SHANK1: variants seen among roughly 807,000 people sequenced by gnomAD.
SHANK1 encodes SH3 and multiple ankyrin repeat domains protein 1.
A neutral mutation model predicts 165.6 loss-of-function variants in SHANK1; 35 were observed. That is an observed-to-expected ratio of 0.21 (90% CI 0.16 to 0.28). SHANK1 has a LOEUF of 0.28. Among genes scored for constraint, SHANK1 ranks in the 10% least tolerant of loss-of-function variants. The pLI is 1.00. For missense variants in SHANK1, 2,681 were observed against 3,036.4 expected, an observed-to-expected ratio of 0.88 and a Z score of 2.75; for synonymous variants, 1,428 against 1,384.8, an observed-to-expected ratio of 1.03 and a Z score of -0.69.
At chr19:50,693,680 C>T (rs1390659885) in intron 15 of SHANK1, among the ~76,000 whole-genome samples, 3 of 152,106 alleles carry the variant, frequency 2.0e-5, no homozygotes, top group Admixed American at 6.5e-5. Context: ...CCCACGTACC[C>T]GTGTCCATGG....
Position 50,688,345 on chromosome 19 carries a change from G to GTC in SHANK1, c.2173-289_2173-288dup, listed in dbSNP as rs1255989643. Among the ~76,000 whole-genome samples the GTC allele has an allele frequency of 1.3e-5, 2 of 152,060 alleles. No individual in the cohort carries two copies. The highest frequency in any genetic ancestry group is 4.8e-5 in the African/African-American group (2 of 41,388). Reference sequence around the variant, plus strand: ...TTTACTTTTATTTTTAAAAGACAGGGTCTCTCTCTGTCACCCAGGTTGGGG... The same window carrying GTC: ...TTTACTTTTATTTTTAAAAGACAGGGTCTCTCTCTCTGTCACCCAGGTTGGGG... On this transcript the variant is annotated intron_variant, in intron 17 of 23. Coordinates refer to ENST00000293441, the MANE Select transcript of SHANK1 (RefSeq NM_016148.5). This position sits in a 1 kb window ranked among gnomAD's most constrained non-coding sequence, Gnocchi z 6.7.
chr19:50,717,698 G>A lies in SHANK1; in HGVS notation c.-43-736C>T, dbSNP rs552645022. 2.0e-5 allele frequency among the ~76,000 whole-genome samples: 3 copies of A among 152,184 alleles called. No individual in the cohort carries two copies. Among genetic ancestry groups the A allele is most frequent in the African/African-American group, 7.2e-5 (3 of 41,500 alleles). On this transcript the variant is annotated intron_variant, in intron 1 of 23. Transcript: ENST00000293441. The surrounding 1 kb of genome is among the most constrained non-coding windows in gnomAD (Gnocchi z 5.5). ...GGGTGTGCGGGTAGGTGGGGAGGTC[G>A]GCCTGGGGAGTGCTGTCCAGGTGAC...
chr19:50,686,713 C>T lies in SHANK1; in HGVS notation c.2458+31G>A, dbSNP rs765059338. The stretch of plus-strand genomic sequence containing the variant: ...AGCGGGTGCCGGGGCTGGGGCCCGG[C>T]ATCCCGAGGAGCAGGGCTGGGCCGT... On this transcript the variant is annotated intron_variant, in intron 20 of 23. Coordinates refer to ENST00000293441, the MANE Select transcript of SHANK1 (RefSeq NM_016148.5). The surrounding 1 kb of genome is among the most constrained non-coding windows in gnomAD (Gnocchi z 5.7). The T allele has an allele frequency of 3.1e-6, 5 of 1,603,866 alleles. No individual in the cohort carries two copies. In the South Asian group the frequency reaches 4.4e-5, roughly 14 times the overall value.
chr19:50,711,565 T>C lies in SHANK1; in HGVS notation c.961-78A>G, dbSNP rs556637114. On this transcript the variant is annotated intron_variant, in intron 7 of 23. Coordinates refer to ENST00000293441, the MANE Select transcript of SHANK1 (RefSeq NM_016148.5). The stretch of plus-strand genomic sequence containing the variant: ...CTGGGCCAAGAGTCTGTCTATGACC[T>C]GTGCACTGGCCTTCTCATCCTATCG... The C allele has an allele frequency of 1.2e-3, 1,212 of 1,016,024 alleles. 9 individuals are homozygous for C. Among genetic ancestry groups the C allele is most frequent in the South Asian group, 9.4e-3 (660 of 70,580 alleles). The allele number at this position is 1,016,024 out of a possible 1,614,324, so 62.9% of individuals were successfully genotyped here.
chr19:50,678,288 C>T (rs1304179652), intron 21 of SHANK1, among the ~76,000 whole-genome samples: 2 of 151,906 alleles, frequency 1.3e-5, no homozygotes, highest in Non-Finnish European at 2.9e-5. Context: ...GGGGTGTGAC[C>T]AGTCAGGAAG....
chr19:50,684,868 A>G (rs1452568577), intron 21 of SHANK1, among the ~76,000 whole-genome samples: 1 of 152,228 alleles, frequency 6.6e-6, no homozygotes, highest in Non-Finnish European at 1.5e-5. Context: ...AAAAAAGATG[A>G]TATTATGATA....
chr19:50,663,762 G>GAA (rs66511954), intron 23 of SHANK1, among the ~76,000 whole-genome samples: 1 of 147,774 alleles, frequency 6.8e-6, no homozygotes, highest in African/African-American at 2.5e-5. Flanking sequence ...AAAAAGAAAA[G>GAA]AAAAAAAAAA....
rs1324075212 is a variant in SHANK1, at chr19:50,666,985, C to T, written c.4975G>A (p.Ala1659Thr). 7 of 1,575,792 alleles carry T rather than the reference C, an allele frequency of 4.4e-6. No individual in the cohort carries two copies. Among genetic ancestry groups the T allele is most frequent in the South Asian group, 2.3e-5 (2 of 85,608 alleles). ...GPPAPAAPAP[A>T]APQPGPDPPP... ...GGGTCCGGGCCAGGCTGTGGGGCAG[C>T]GGGAGCCGGTGCTGCTGGGGCAGGC... is the stretch of plus-strand genomic sequence containing the variant. The change falls in exon 23 of 24, where the codon GCT becomes ACT. Residue 1659 changes from alanine (A) to threonine (T), a missense_variant. Physicochemically the swap from Ala to Thr is moderately conservative, Grantham distance 58 (BLOSUM62 0). Transcript: ENST00000293441.
Position 50,688,944 on chromosome 19 carries a change from G to A in SHANK1, c.2072C>T (p.Thr691Ile). ...CAGCGCCGGGAAGGCCGGGGTGGGG[G>A]TGAACTCCTCGATGGGGGTCTGCGC... ...AKAQTPIEEF[T>I]PTPAFPALQY... The change falls in exon 17 of 24, where the codon ACC becomes ATC. Residue 691 changes from threonine to isoleucine, a missense_variant. This residue lies in a region of SHANK1 where 147 missense variants were observed against 256.5 expected (regional missense o/e 0.57). Coordinates refer to ENST00000293441, the MANE Select transcript of SHANK1 (RefSeq NM_016148.5). The surrounding 1 kb of genome is among the most constrained non-coding windows in gnomAD (Gnocchi z 6.7). The A allele has an allele frequency of 6.4e-7, 1 of 1,554,180 alleles. No homozygotes were observed. The highest frequency in any genetic ancestry group is 8.7e-7 in the Non-Finnish European group (1 of 1,147,882).
At position 50,661,740 on chromosome 19, in the gene SHANK1, CA is replaced by C; in HGVS notation, c.*224del. 28 of 21,096 alleles carry C rather than the reference CA, an allele frequency of 1.3e-3. No homozygotes were observed. Among genetic ancestry groups the C allele is most frequent in the African/African-American group, 6.8e-3 (1 of 146 alleles). 1.3% of individuals were successfully genotyped at this position (21,096 alleles called of 1,614,324 possible). A position where few individuals can be genotyped will look rare whatever the true frequency, so the allele number is the denominator to read the frequency against. On this transcript the variant is annotated 3_prime_UTR_variant, in exon 24 of 24. Coordinates refer to ENST00000293441, the MANE Select transcript of SHANK1 (RefSeq NM_016148.5). ...CCTATCCCCCCTCCGCTCCCCGCTT[CA>C]CACACACACACACACTCTTGTGTCA...
In SHANK1 at chr19:50,669,032, G is replaced by A. The variant is rs1385526527; in HGVS notation, c.2928C>T (p.Pro976=). The A allele has an allele frequency of 4.6e-6, 4 of 863,468 alleles. No homozygotes were observed. The highest frequency in any genetic ancestry group is 5.2e-6 in the Non-Finnish European group (3 of 576,610). The allele number at this position is 863,468 out of a possible 1,614,324, so 53.5% of individuals were successfully genotyped here. A position where few individuals can be genotyped will look rare whatever the true frequency, so the allele number is the denominator to read the frequency against. The change falls in exon 23 of 24, where the codon CCC becomes CCT. Residue 976 remains proline, a synonymous_variant. Transcript: ENST00000293441. ...TCTCGCGGCTCCCCACGCGAGTGTC[G>A]GGAGGGGAGGGCCCGTCAAAGGATG... is the stretch of plus-strand genomic sequence containing the variant. ...SPASFDGPSP[P]DTRVGSREKS... is the part of the protein sequence containing the mutation.
intron 15 of SHANK1, among the ~76,000 whole-genome samples, chr19:50,694,017 CACCACA>C (rs1035555678): frequency 1.6e-5 from 2 of 127,386 alleles, no homozygotes; most frequent in African/African-American, 6.2e-5. Flanking sequence ...CTCCAGCACA[CACCACA>C]CACACACACA....
rs1430876095 is a variant in SHANK1 at position 50,662,798 on chromosome 19, G to A, written c.5769-116C>T. The stretch of plus-strand genomic sequence containing the variant: ...GAGAGGAGGAGAGACATAAGGGTAG[G>A]GGGAGAGACGGAGGAGAGACGGGAA... On this transcript the variant is annotated intron_variant, in intron 23 of 23. Transcript: ENST00000293441. The surrounding 1 kb of genome is among the most constrained non-coding windows in gnomAD (Gnocchi z 7.7). 1 of 1,061,602 alleles carries A rather than the reference G, an allele frequency of 9.4e-7. No homozygotes were observed. Among genetic ancestry groups the A allele is most frequent in the Admixed American group, 2.2e-5 (1 of 44,984 alleles). 65.8% of individuals were successfully genotyped at this position (1,061,602 alleles called of 1,614,324 possible).
chr19:50,702,305 C>G lies in SHANK1; in HGVS notation c.1747+162G>C, dbSNP rs1010582249. On this transcript the variant is annotated intron_variant, in intron 12 of 23. Coordinates refer to ENST00000293441, the MANE Select transcript of SHANK1 (RefSeq NM_016148.5). The surrounding 1 kb of genome is among the most constrained non-coding windows in gnomAD (Gnocchi z 5.3). ...CTGACAGGGTCATCTGAGCTACACT[C>G]TATGGTCCTCCAAGCCTCAAGGGGT... Among the ~76,000 whole-genome samples the G allele has an allele frequency of 6.6e-6, 1 of 152,154 alleles. No homozygotes were observed. The highest frequency in any genetic ancestry group is 1.5e-5 in the Non-Finnish European group (1 of 68,026).
chr19:50,669,819 T>A (rs1985726181), intron 22 of SHANK1, among the ~76,000 whole-genome samples: 1 of 151,264 alleles, frequency 6.6e-6, no homozygotes, highest in African/African-American at 2.4e-5. Context: ...GACCCCACAC[T>A]CAGTGGGAGT....
At chr19:50,674,975 T>A (rs1985928002) in intron 21 of SHANK1, among the ~76,000 whole-genome samples, 1 of 145,116 alleles carries the variant, frequency 6.9e-6, no homozygotes, top group African/African-American at 2.6e-5. Flanking sequence ...GGCAGGAGAA[T>A]CACTTGAACC....
rs1323320061 is a variant in SHANK1 at position 50,668,034 on chromosome 19, C to A, written c.3926G>T (p.Gly1309Val). Reference sequence around the variant, plus strand: ...GCTACCGGCCCCGTAGCCGCCGTAGCCCGCGCCGCTGCCCGCAGACTCCAG... The same window carrying A: ...GCTACCGGCCCCGTAGCCGCCGTAGACCGCGCCGCTGCCCGCAGACTCCAG... ...LRLESAGSGAGYGGYGAGSRA... is the reference protein window; with the variant it reads ...LRLESAGSGAVYGGYGAGSRA... The change falls in exon 23 of 24, where the codon GGC (glycine) becomes GTC (valine). Residue 1309 changes from glycine to valine, a missense_variant. Transcript: ENST00000293441. The A allele has an allele frequency of 2.0e-6, 3 of 1,476,762 alleles. No homozygotes were observed. Among genetic ancestry groups the A allele is most frequent in the Admixed American group, 2.3e-5 (1 of 43,246 alleles). The allele number at this position is 1,476,762 out of a possible 1,614,324, so 91.5% of individuals were successfully genotyped here.
chr19:50,697,729 T>C lies in SHANK1; in HGVS notation c.1862-65A>G. ...GAAACCACAATCCCAGCCCTAGAGC[T>C]CCTGGCCCAAGTCTTCCCATCTACC... On this transcript the variant is annotated intron_variant, in intron 13 of 23. Coordinates refer to ENST00000293441, the MANE Select transcript of SHANK1 (RefSeq NM_016148.5). The surrounding 1 kb of genome is among the most constrained non-coding windows in gnomAD (Gnocchi z 4.7). The C allele has an allele frequency of 6.4e-7, 1 of 1,567,968 alleles. No individual in the cohort carries two copies. The highest frequency in any genetic ancestry group is 8.8e-7 in the Non-Finnish European group (1 of 1,138,858).
intron 21 of SHANK1, among the ~76,000 whole-genome samples, chr19:50,676,918 C>T (rs140836744): frequency 6.6e-6 from 1 of 152,222 alleles, no homozygotes; most frequent in Non-Finnish European, 1.5e-5. Flanking sequence ...CAGCAAGGTG[C>T]CCTCTTTTGC....
Sources: allele counts gnomAD v4.1 joint callset (sites outside exome capture counted in the v4.1 genomes callset), GRCh38; gene constraint gnomAD v4.1.1; regional missense constraint gnomAD v4.1.1; non-coding constraint Gnocchi (gnomAD v3.1); transcripts MANE v1.5; gene names NCBI Gene and HGNC (gene_info 2026-07-23, HGNC 2026-07-21).